Variants in PRKCG observed in about 807,000 individuals in gnomAD.
PRKCG encodes the protein protein kinase C gamma.
PRKCG carries 28 observed loss-of-function variants against 82.0 expected under a neutral mutation model. The observed-to-expected ratio is 0.34, with a 90% CI of 0.25 to 0.47. The LOEUF (loss-of-function observed/expected upper bound fraction) is 0.47, where lower values mean the gene tolerates loss of function less well. PRKCG is among the 20% of genes least tolerant of loss of function. The probability of loss-of-function intolerance (pLI) is 1.00; values close to 1 mark genes in which losing one functional copy is unlikely to be tolerated. For synonymous variants in PRKCG, 383 were observed against 376.6 expected (o/e 1.02, Z -0.20); for missense variants, 640 against 952.7 (o/e 0.67, Z 4.32).
upstream of PRKCG, chr19:53,881,974 T>TG (rs1167313662): frequency 4.5e-6 from 1 of 220,690 alleles, no homozygotes; most frequent in African/African-American, 2.4e-5. Flanking sequence ...GGCACCCTAG[T>TG]GGGGGAGGAA....
intron 15 of PRKCG, among the ~76,000 whole-genome samples, chr19:53,904,319 C>T (rs1233038383): frequency 6.6e-6 from 1 of 151,114 alleles, no homozygotes; most frequent in Non-Finnish European, 1.5e-5. Context: ...GTGTTTCCTG[C>T]AGTTTTTCCT....
chr19:53,906,956 C>A lies in PRKCG; in HGVS notation c.*61C>A, dbSNP rs764185620. ...CTCCGCCGTGCCGGCGGCAGCCCCA[C>A]TTCACCCCCAACTTCACCACCCCCT... On this transcript the variant is annotated 3_prime_UTR_variant, in exon 18 of 18. Transcript: ENST00000263431. 3.6e-4 allele frequency: 577 copies of A among 1,608,218 alleles called. 3 individuals carry two copies. The highest frequency in any genetic ancestry group is 1.9e-3 in the South Asian group (174 of 90,794).
Position 53,883,620 on chromosome 19 carries a change from G to C in PRKCG, c.202+426G>C, listed in dbSNP as rs1037777866. On this transcript the variant is annotated intron_variant, in intron 2 of 17. Transcript: ENST00000263431. The surrounding 1 kb of genome is among the most constrained non-coding windows in gnomAD (Gnocchi z 5.4). The stretch of plus-strand genomic sequence containing the variant: ...CCAATGGGCGAGTGGGGGCCGGGCG[G>C]GGCCGGCAGTTCTGGGGGGCGGGAG... Among the ~76,000 whole-genome samples the C allele has an allele frequency of 2.0e-5, 3 of 150,388 alleles. No individual in the cohort carries two copies. Among genetic ancestry groups the C allele is most frequent in the Non-Finnish European group, 4.4e-5 (3 of 67,498 alleles).
Position 53,907,488 on chromosome 19 carries a change from C to T in PRKCG, c.*593C>T, listed in dbSNP as rs2068823827. 1 of 160,394 alleles carries T rather than the reference C, an allele frequency of 6.2e-6. No homozygotes were observed. Among genetic ancestry groups the T allele is most frequent in the Admixed American group, 6.0e-5 (1 of 16,636 alleles). The allele number at this position is 160,394 out of a possible 1,614,324, so 9.9% of individuals were successfully genotyped here. On this transcript the variant is annotated 3_prime_UTR_variant, in exon 18 of 18. Coordinates refer to ENST00000263431, the MANE Select transcript of PRKCG (RefSeq NM_002739.5). ...TCCCCATCCCGAAGCCATCACTTCT[C>T]CCCGCAGCCCGCCTGCCGTGCATGG...
At position 53,889,256 on chromosome 19, in the gene PRKCG, GACC is replaced by G. The variant is rs1426344131; in HGVS notation, c.286-378_286-376del. Among the ~76,000 whole-genome samples the G allele has an allele frequency of 6.6e-6, 1 of 151,972 alleles. No individual in the cohort carries two copies. The highest frequency in any genetic ancestry group is 2.4e-5 in the African/African-American group (1 of 41,352). On this transcript the variant is annotated intron_variant, in intron 3 of 17. Transcript: ENST00000263431. The surrounding 1 kb of genome is among the most constrained non-coding windows in gnomAD (Gnocchi z 4.4). ...GGCATGAGCCACCGCACCCAGCCAG[GACC>G]ACCGTATTTAAAATTTCAATCCCCC...
In PRKCG at chr19:53,892,590, G is replaced by A; in HGVS notation, c.768G>A (p.Met256Ile). The change falls in exon 7 of 18, where the codon ATG becomes ATA. Residue 256 changes from methionine (M) to isoleucine (I), a missense_variant. This residue lies in a region of PRKCG where 261 missense variants were observed against 312.1 expected (regional missense o/e 0.84). Coordinates refer to ENST00000263431, the MANE Select transcript of PRKCG (RefSeq NM_002739.5). This position sits in a 1 kb window ranked among gnomAD's most constrained non-coding sequence, Gnocchi z 5.9. The part of the protein sequence containing the change: ...DWDRTSRNDF[M>I]GAMSFGVSEL... The stretch of plus-strand genomic sequence containing the variant: ...ACCGGACCTCCCGCAACGACTTCAT[G>A]GGGGCCATGTCCTTTGGCGTCTCGG... 6.2e-7 allele frequency: 1 copy of A among 1,613,640 alleles called. No individual in the cohort carries two copies. The highest frequency in any genetic ancestry group is 8.5e-7 in the Non-Finnish European group (1 of 1,180,016).
At chr19:53,893,537 C>G in intron 9 of PRKCG, 146 bp downstream of exon 9, 2 of 897,062 alleles carry the variant, frequency 2.2e-6, no homozygotes, top group Admixed American at 3.9e-5. Flanking sequence ...CTGAATAATC[C>G]AGGATCCAGA....
In PRKCG at chr19:53,883,065, G is replaced by T; in HGVS notation, c.171-98G>T. On this transcript the variant is annotated intron_variant, in intron 1 of 17. Transcript: ENST00000263431. This position sits in a 1 kb window ranked among gnomAD's most constrained non-coding sequence, Gnocchi z 5.4. ...CGGGGCTTGGACACCTGGGCCCTGC[G>T]GGAGGAGGGTCAGAGAGCGCAGGCC... 1 of 1,497,034 alleles carries T rather than the reference G, an allele frequency of 6.7e-7. No homozygotes were observed. The allele number at this position is 1,497,034 out of a possible 1,614,324, so 92.7% of individuals were successfully genotyped here. A position where few individuals can be genotyped will look rare whatever the true frequency, so the allele number is the denominator to read the frequency against.
At position 53,893,028 on chromosome 19, in the gene PRKCG, G is replaced by A. The variant is rs367543213; in HGVS notation, c.862G>A (p.Val288Met). ...CCAGGAGGAGGGCGAGTATTACAAT[G>A]TGCCGGTGGCCGATGCTGACAACTG... is the stretch of plus-strand genomic sequence containing the variant. ...LNQEEGEYYN[V>M]PVADADNCSL... Residue 288 changes from valine to methionine, a missense_variant, in exon 8 of 18, where the codon GTG (valine) becomes ATG (methionine). By Grantham distance (21) the Val-to-Met change is conservative (BLOSUM62 1). Coordinates refer to ENST00000263431, the MANE Select transcript of PRKCG (RefSeq NM_002739.5). 12 of 1,614,064 alleles carry A rather than the reference G, an allele frequency of 7.4e-6. No homozygotes were observed. The highest frequency in any genetic ancestry group is 9.3e-6 in the Non-Finnish European group (11 of 1,180,012).
In PRKCG at chr19:53,884,266, C is replaced by T. The variant is rs1224479333; in HGVS notation, c.285+23C>T. ...GACGTGAGTGCTCGGACACCTGGTT[C>T]TCCTCCTCGGGCCGTGCCCCCGCCC... On this transcript the variant is annotated intron_variant, in intron 3 of 17. Transcript: ENST00000263431. The surrounding 1 kb of genome is among the most constrained non-coding windows in gnomAD (Gnocchi z 4.6). The T allele has an allele frequency of 6.2e-7, 1 of 1,610,874 alleles. No individual in the cohort carries two copies. The highest frequency in any genetic ancestry group is 8.5e-7 in the Non-Finnish European group (1 of 1,177,738).
At position 53,893,456 on chromosome 19, in the gene PRKCG, C is replaced by T. The variant is rs372657243; in HGVS notation, c.939+65C>T. On this transcript the variant is annotated intron_variant, in intron 9 of 17. Transcript: ENST00000263431. ...CTACTTCTCTGATTTCTTATTCCTC[C>T]TCTGACTTCTGTCTTCAATTCCCCA... 4.9e-5 allele frequency: 74 copies of T among 1,507,802 alleles called. No homozygotes were observed. The African/African-American group carries it at 9.4e-4, about 19-fold the overall frequency. 93.4% of individuals were successfully genotyped at this position (1,507,802 alleles called of 1,614,324 possible).
chr19:53,889,603 C>T lies in PRKCG; in HGVS notation c.286-35C>T, dbSNP rs2068656229. The T allele has an allele frequency of 6.4e-7, 1 of 1,566,158 alleles. No homozygotes were observed. Among genetic ancestry groups the T allele is most frequent in the African/African-American group, 1.4e-5 (1 of 73,790 alleles). ...CCTCCCCTGGGGTTTTAGGACCCTC[C>T]CAACGCCCCCTAAGCCAGTCTTCTC... is the stretch of plus-strand genomic sequence containing the variant. On this transcript the variant is annotated intron_variant, in intron 3 of 17. Transcript: ENST00000263431. The surrounding 1 kb of genome is among the most constrained non-coding windows in gnomAD (Gnocchi z 4.4).
chr19:53,900,702 A>G lies in PRKCG; in HGVS notation c.1528A>G (p.Thr510Ala). Reference sequence around the variant, plus strand: ...GTGTAAGGAGAACGTCTTCCCCGGGACGACAACCCGCACCTTCTGCGGGAC... The same window carrying G: ...GTGTAAGGAGAACGTCTTCCCCGGGGCGACAACCCGCACCTTCTGCGGGAC... ...GMCKENVFPG[T>A]TTRTFCGTPD... Residue 510 changes from threonine (T) to alanine (A), a missense_variant, in exon 14 of 18, where the codon ACG becomes GCG. By Grantham distance (58) the Thr-to-Ala change is moderately conservative. This residue lies in a region of PRKCG where 198 missense variants were observed against 273.4 expected (regional missense o/e 0.72). Transcript: ENST00000263431. The surrounding 1 kb of genome is among the most constrained non-coding windows in gnomAD (Gnocchi z 4.2). 6.2e-7 allele frequency: 1 copy of G among 1,614,180 alleles called. No individual in the cohort carries two copies. The highest frequency in any genetic ancestry group is 1.3e-5 in the African/African-American group (1 of 75,034).
Position 53,906,559 on chromosome 19 carries a change from C to T in PRKCG, c.1905+102C>T, listed in dbSNP as rs1051047433. On this transcript the variant is annotated intron_variant, in intron 17 of 17. Transcript: ENST00000263431. ...TGGGGGTGGGGTTCCCTCTGCAGAG[C>T]CCCCCGCCCCCAACAAAAGGAGGTG... The T allele has an allele frequency of 3.9e-6, 6 of 1,552,364 alleles. No individual in the cohort carries two copies. In the African/African-American group the frequency reaches 5.5e-5, roughly 14 times the overall value.
At chr19:53,893,480 C>A (rs1449051089) in intron 9 of PRKCG, 89 bp downstream of exon 9, 1 of 1,372,310 alleles carries the variant, frequency 7.3e-7, no homozygotes, top group East Asian at 2.3e-5. Flanking sequence ...TTCAATTCCC[C>A]ACACATGAGT....
At position 53,906,739 on chromosome 19, in the gene PRKCG, C is replaced by A; in HGVS notation, c.1938C>A (p.Phe646Leu). Reference sequence around the variant, plus strand: ...GCAGCGGCGAGAACTTTGACAAGTTCTTCACGCGGGCGGCGCCAGCGCTGA... The same window carrying A: ...GCAGCGGCGAGAACTTTGACAAGTTATTCACGCGGGCGGCGCCAGCGCTGA... ...CGRSGENFDK[F>L]FTRAAPALTP... The change falls in exon 18 of 18, where the codon TTC becomes TTA. Residue 646 changes from phenylalanine to leucine, a missense_variant. Transcript: ENST00000263431. 3 of 1,613,382 alleles carry A rather than the reference C, an allele frequency of 1.9e-6. No individual in the cohort carries two copies. The highest frequency in any genetic ancestry group is 2.5e-6 in the Non-Finnish European group (3 of 1,180,012).
Position 53,892,593 on chromosome 19 carries a change from G to C in PRKCG, c.771G>C (p.Gly257=). 1.2e-6 allele frequency: 2 copies of C among 1,613,608 alleles called. No homozygotes were observed. The highest frequency in any genetic ancestry group is 1.7e-6 in the Non-Finnish European group (2 of 1,180,010). Residue 257 remains glycine (G), a synonymous_variant, in exon 7 of 18, where the codon GGG becomes GGC. Transcript: ENST00000263431. The surrounding 1 kb of genome is among the most constrained non-coding windows in gnomAD (Gnocchi z 5.9). The part of the protein sequence containing the change: ...WDRTSRNDFM[G]AMSFGVSELL... ...GGACCTCCCGCAACGACTTCATGGG[G>C]GCCATGTCCTTTGGCGTCTCGGAGC...
intron 16 of PRKCG, 73 bp downstream of exon 16, chr19:53,904,815 G>GA: frequency 8.0e-7 from 1 of 1,243,756 alleles, no homozygotes; most frequent in Non-Finnish European, 1.2e-6. Flanking sequence ...GTGCCTATTA[G>GA]AAAAATGCTC....
intron 5 of PRKCG, 73 bp from the exon 6 acceptor site, chr19:53,891,601 G>C: frequency 6.3e-7 from 1 of 1,576,814 alleles, no homozygotes; most frequent in South Asian, 1.1e-5. Flanking sequence ...ACTCTTGATT[G>C]CTGACTGGAG....
Sources: gnomAD v4.1 joint callset for allele counts (sites outside exome capture counted in the v4.1 genomes callset) on GRCh38, gnomAD v4.1.1 for gene constraint, gnomAD v4.1.1 regional missense constraint, Gnocchi (gnomAD v3.1) non-coding constraint, MANE v1.5 for transcripts, NCBI Gene and HGNC (gene_info 2026-07-23, HGNC 2026-07-21) for gene names.